Variants in PCDH15 observed in about 807,000 individuals in gnomAD.
PCDH15 encodes the protein protocadherin-15.
Under a neutral mutation model 178.5 loss-of-function variants are expected in PCDH15, and 129 were observed. The ratio of observed to expected loss-of-function variants is 0.72; its 90% CI spans 0.63 to 0.84. The LOEUF is 0.84. PCDH15 is among the 40% of genes least tolerant of loss of function. The pLI, the probability that PCDH15 is intolerant of heterozygous loss-of-function variation, is 0.00. For synonymous variants in PCDH15, 800 were observed against 732.0 expected (o/e 1.09, Z -1.50); for missense variants, 2,230 against 2,099.9 (o/e 1.06, Z -1.21).
intron 2 of PCDH15, among the ~76,000 whole-genome samples, chr10:55,391,304 A>G (rs1181529090): frequency 6.6e-6 from 1 of 150,864 alleles, no homozygotes; most frequent in East Asian, 2.0e-4. Flanking sequence ...CATCTTCTGC[A>G]CATCTCTCTC....
intron 20 of PCDH15, among the ~76,000 whole-genome samples, chr10:53,999,668 T>C (rs568588225): frequency 6.6e-6 from 1 of 152,168 alleles, no homozygotes; most frequent in Admixed American, 6.5e-5. Flanking sequence ...CTGTTTCTCA[T>C]AGGTTGAGTG....
chr10:54,904,356 C>G (rs1954686152), intron 2 of PCDH15, among the ~76,000 whole-genome samples: 2 of 151,892 alleles, frequency 1.3e-5, no homozygotes, highest in South Asian at 4.1e-4. Flanking sequence ...TCTAACTATA[C>G]AAAGAGAAGA....
chr10:55,311,395 G>C (rs1339303629), intron 1 of PCDH15, among the ~76,000 whole-genome samples: 2 of 152,142 alleles, frequency 1.3e-5, no homozygotes, highest in Non-Finnish European at 2.9e-5. Context: ...CTCCATAGCG[G>C]TGACTGTGGA....
chr10:55,055,505 C>A (rs775873497), intron 2 of PCDH15, among the ~76,000 whole-genome samples: 19 of 151,950 alleles, frequency 1.3e-4, no homozygotes, highest in African/African-American at 4.1e-4. Flanking sequence ...ACTCTTCTTG[C>A]GTGAAAACAG....
chr10:54,023,006 GGTTAGA>G lies in PCDH15; in HGVS notation c.2406_2411del (p.Thr804_Leu805del). 6.2e-7 allele frequency: 1 copy of G among 1,613,974 alleles called. No homozygotes were observed. Among genetic ancestry groups the G allele is most frequent in the Non-Finnish European group, 8.5e-7 (1 of 1,179,908 alleles). On this transcript the variant is annotated inframe_deletion, in exon 19 of 38. Transcript: ENST00000644397. The stretch of plus-strand genomic sequence containing the variant: ...CAATGTCCAAAACCTTGATGGCCAA[GGTTAGA>G]GTTGAATGACGAGGGTGTACTGCTC...
At chr10:54,044,503 C>T (rs957381332) in intron 18 of PCDH15, among the ~76,000 whole-genome samples, 8 of 151,980 alleles carry the variant, frequency 5.3e-5, no homozygotes, top group Non-Finnish European at 1.2e-4. Flanking sequence ...CTCACCAGGC[C>T]AGAGTAGAGG....
At chr10:54,367,316 T>C (rs955967089) in intron 5 of PCDH15, among the ~76,000 whole-genome samples, 9 of 152,114 alleles carry the variant, frequency 5.9e-5, no homozygotes, top group Non-Finnish European at 1.0e-4. Context: ...TAATGAGAAA[T>C]TGCAAAACTT....
chr10:53,848,430 G>T (rs1589074314), intron 28 of PCDH15, among the ~76,000 whole-genome samples: 1 of 152,030 alleles, frequency 6.6e-6, no homozygotes, highest in South Asian at 2.1e-4. Context: ...ACAAGCAAAA[G>T]ATCTTAAAAA....
chr10:55,378,908 T>TCTCTCTCTCTCTCACACACA (rs61280428), intron 2 of PCDH15, among the ~76,000 whole-genome samples: 79 of 148,872 alleles, frequency 5.3e-4, no homozygotes, highest in African/African-American at 1.8e-3. Flanking sequence ...TCTCTCTCTC[T>TCTCTCTCTCTCTCACACACA]CACATATGCC....
intron 2 of PCDH15, among the ~76,000 whole-genome samples, chr10:55,003,227 G>A (rs935137728): frequency 5.3e-5 from 8 of 151,984 alleles, no homozygotes; most frequent in African/African-American, 7.3e-5. Flanking sequence ...AATTAGCTAC[G>A]GTCCAGGGCT....
At chr10:54,286,902 G>A (rs559213487) in intron 8 of PCDH15, among the ~76,000 whole-genome samples, 23 of 152,248 alleles carry the variant, frequency 1.5e-4, no homozygotes, top group African/African-American at 3.8e-4. Context: ...GATTATAGGC[G>A]TGAGCCACTG....
intron 2 of PCDH15, among the ~76,000 whole-genome samples, chr10:55,442,083 G>T (rs1051796525): frequency 6.6e-6 from 1 of 152,094 alleles, no homozygotes; most frequent in Non-Finnish European, 1.5e-5. Context: ...AAAAATCTGT[G>T]AGAACTAGTA....
At chr10:54,673,250 T>A (rs927365620) in intron 1 of PCDH15, among the ~76,000 whole-genome samples, 2 of 150,940 alleles carry the variant, frequency 1.3e-5, no homozygotes, top group Non-Finnish European at 3.0e-5. Flanking sequence ...CAGGCCCCAG[T>A]GTGTGATGTT....
chr10:54,075,387 AAAAAAG>A (rs1369014391), intron 17 of PCDH15, among the ~76,000 whole-genome samples: 1 of 89,740 alleles, frequency 1.1e-5, no homozygotes, highest in Admixed American at 1.3e-4. Context: ...AAAAAATAAA[AAAAAAG>A]ATCTATATAT....
chr10:54,346,928 T>C (rs80179723), intron 5 of PCDH15, among the ~76,000 whole-genome samples: 2,922 of 152,218 alleles, frequency 0.019, 92 homozygotes, highest in African/African-American at 0.065. Flanking sequence ...AGTGGCAAGT[T>C]TGAGAAAGAG....
chr10:54,581,929 G>T (rs1478431952), intron 2 of PCDH15, among the ~76,000 whole-genome samples: 2 of 151,870 alleles, frequency 1.3e-5, no homozygotes, highest in Non-Finnish European at 2.9e-5. Context: ...ACTCAAGATG[G>T]ATTAAAGATT....
intron 18 of PCDH15, 30 bp from the exon 19 acceptor site, chr10:54,023,227 TTCACG>T: frequency 6.3e-7 from 1 of 1,599,142 alleles, no homozygotes; most frequent in Non-Finnish European, 8.5e-7. Flanking sequence ...AACAAAAAAA[TTCACG>T]TAAGTTTTGA....
At chr10:55,431,630 A>G (rs1426111417) in intron 2 of PCDH15, among the ~76,000 whole-genome samples, 1 of 152,206 alleles carries the variant, frequency 6.6e-6, no homozygotes, top group African/African-American at 2.4e-5. Flanking sequence ...TACTCCAAGC[A>G]AATCTCTTAA....
intron 15 of PCDH15, among the ~76,000 whole-genome samples, chr10:54,099,480 C>G (rs1379248842): frequency 1.9e-5 from 2 of 106,156 alleles, no homozygotes; most frequent in Non-Finnish European, 3.5e-5. Context: ...ACCTCAGCGA[C>G]AGAGCGAGAC....
Sources: allele counts gnomAD v4.1 joint callset (sites outside exome capture counted in the v4.1 genomes callset), GRCh38; gene constraint gnomAD v4.1.1; transcripts MANE v1.5; gene names NCBI Gene and HGNC (gene_info 2026-07-23, HGNC 2026-07-21).